Variants in NKAIN3 observed in about 807,000 individuals in gnomAD.
NKAIN3 encodes the protein sodium/potassium transporting ATPase interacting 3, also known as sodium/potassium-transporting ATPase subunit beta-1-interacting protein 3.
NKAIN3 carries 25 observed loss-of-function variants against 30.2 expected under a neutral mutation model. The ratio of observed to expected loss-of-function variants is 0.83; its 90% CI spans 0.60 to 1.16. NKAIN3 has a LOEUF of 1.16. NKAIN3 is among the 50% of genes most tolerant of loss of function. The pLI is 0.00. For missense variants in NKAIN3, 225 were observed against 254.1 expected (o/e 0.89, Z 0.78); for synonymous variants, 91 against 89.6 (o/e 1.02, Z -0.09).
At chr8:62,262,265 C>G (rs568494991) in intron 1 of NKAIN3, among the ~76,000 whole-genome samples, 1 of 152,066 alleles carries the variant, frequency 6.6e-6, no homozygotes, top group South Asian at 2.1e-4. Context: ...TTTTGGAATC[C>G]CTCAGGAGGA....
At chr8:62,347,986 T>C (rs1226185748) in intron 1 of NKAIN3, among the ~76,000 whole-genome samples, 1 of 152,036 alleles carries the variant, frequency 6.6e-6, no homozygotes, top group Admixed American at 6.6e-5. Context: ...TAAATGAACT[T>C]GAAGATATTA....
At chr8:62,463,933 T>G (rs1806074520) in intron 1 of NKAIN3, among the ~76,000 whole-genome samples, 1 of 151,968 alleles carries the variant, frequency 6.6e-6, no homozygotes, top group Admixed American at 6.6e-5. Context: ...CTGTGAAAGG[T>G]GAAACTACAG....
At position 62,612,383 on chromosome 8, in the gene NKAIN3, C is replaced by T. The variant is rs181779791; in HGVS notation, c.273+22589C>T. On this transcript the variant is annotated intron_variant, in intron 3 of 6. Coordinates refer to ENST00000623646, the MANE Select transcript of NKAIN3 (RefSeq NM_001304533.3). ...TACATAGATACCCTCTTTGTCACTC[C>T]CTATAGTTTTTGTCTTGAAATATAT... Among the ~76,000 whole-genome samples the T allele has an allele frequency of 4.1e-4, 62 of 151,930 alleles. No individual in the cohort carries two copies. In the East Asian group the frequency reaches 0.01, roughly 26 times the overall value.
intron 4 of NKAIN3, among the ~76,000 whole-genome samples, chr8:62,905,227 A>C (rs1256685044): frequency 6.6e-6 from 1 of 152,140 alleles, no homozygotes; most frequent in African/African-American, 2.4e-5. Context: ...TGGGAAAGCA[A>C]AGAATGGGGT....
At chr8:62,593,885 C>T (rs1585987794) in intron 3 of NKAIN3, among the ~76,000 whole-genome samples, 1 of 151,980 alleles carries the variant, frequency 6.6e-6, no homozygotes, top group East Asian at 1.9e-4. Flanking sequence ...CAAATCTGGG[C>T]TCTGTGTACT....
intron 1 of NKAIN3, among the ~76,000 whole-genome samples, chr8:62,317,118 G>A (rs950122135): frequency 2.6e-5 from 4 of 152,056 alleles, no homozygotes; most frequent in Non-Finnish European, 5.9e-5. Context: ...CTTTTTGATG[G>A]GTTGTTTGTT....
At chr8:62,752,399 A>G (rs1399848434) in intron 4 of NKAIN3, among the ~76,000 whole-genome samples, 1 of 152,164 alleles carries the variant, frequency 6.6e-6, no homozygotes, top group African/African-American at 2.4e-5. Flanking sequence ...CTTTAATCCC[A>G]CACCAGACAA....
intron 1 of NKAIN3, among the ~76,000 whole-genome samples, chr8:62,298,837 A>G (rs1813935178): frequency 6.7e-6 from 1 of 149,502 alleles, no homozygotes. Context: ...TAATACATAT[A>G]TTAATAATTA....
chr8:62,709,323 T>G (rs7007124), intron 3 of NKAIN3, among the ~76,000 whole-genome samples: 135,785 of 152,104 alleles, frequency 0.89, 60,820 homozygotes, highest in African/African-American at 0.94. Flanking sequence ...ATGGCTGGTA[T>G]AATTCAGCTG....
At chr8:62,388,714 C>G (rs1391718188) in intron 1 of NKAIN3, among the ~76,000 whole-genome samples, 1 of 152,206 alleles carries the variant, frequency 6.6e-6, no homozygotes, top group Non-Finnish European at 1.5e-5. Context: ...AGATTACATA[C>G]CTTTCTAATT....
At chr8:62,932,595 G>T (rs1822654711) in intron 5 of NKAIN3, among the ~76,000 whole-genome samples, 1 of 152,156 alleles carries the variant, frequency 6.6e-6, no homozygotes, top group Admixed American at 6.5e-5. Context: ...GGAAAATCTG[G>T]ATCAATCAGG....
At chr8:62,957,821 G>A (rs1823465011) in intron 6 of NKAIN3, among the ~76,000 whole-genome samples, 1 of 152,152 alleles carries the variant, frequency 6.6e-6, no homozygotes, top group South Asian at 2.1e-4. Flanking sequence ...CCCATGGAAT[G>A]TACAACACCA....
At chr8:62,674,640 C>T (rs1813415838) in intron 3 of NKAIN3, among the ~76,000 whole-genome samples, 2 of 152,140 alleles carry the variant, frequency 1.3e-5, no homozygotes, top group Non-Finnish European at 2.9e-5. Context: ...TATAAATTTG[C>T]TTAACATGTG....
intron 1 of NKAIN3, among the ~76,000 whole-genome samples, chr8:62,268,491 G>C (rs2129391906): frequency 6.6e-6 from 1 of 152,186 alleles, no homozygotes. Context: ...ACTGGAGAAT[G>C]GCTGTTCTGC....
chr8:62,435,066 A>G (rs1325949994), intron 1 of NKAIN3, among the ~76,000 whole-genome samples: 1 of 152,156 alleles, frequency 6.6e-6, no homozygotes, highest in East Asian at 1.9e-4. Flanking sequence ...ACAGGAGAAG[A>G]GGGTGGAAAT....
chr8:62,689,938 C>T (rs1018493087), intron 3 of NKAIN3, among the ~76,000 whole-genome samples: 20 of 148,390 alleles, frequency 1.3e-4, no homozygotes, highest in Admixed American at 1.1e-3. Context: ...CCTTGGCCAC[C>T]GCACTGAAAA....
intron 1 of NKAIN3, among the ~76,000 whole-genome samples, chr8:62,542,284 C>G (rs1230623365): frequency 6.6e-6 from 1 of 152,140 alleles, no homozygotes; most frequent in Admixed American, 6.5e-5. Context: ...ATCACCATAT[C>G]TAGAGGGTAA....
chr8:62,526,267 C>A (rs1299075355), intron 1 of NKAIN3, among the ~76,000 whole-genome samples: 1 of 152,000 alleles, frequency 6.6e-6, no homozygotes, highest in South Asian at 2.1e-4. Flanking sequence ...ACAACAACAA[C>A]AACTAAAAAA....
chr8:62,953,943 G>A lies in NKAIN3; in HGVS notation c.574G>A (p.Asp192Asn), dbSNP rs778973439. The change falls in exon 6 of 7, where the codon GAT (aspartate) becomes AAT (asparagine). Residue 192 changes from aspartate to asparagine, a missense_variant. Coordinates refer to ENST00000623646, the MANE Select transcript of NKAIN3 (RefSeq NM_001304533.3). ...GGLDTHSYYQ[D>N]HVELKPVKPV... ...ACTTGATACACACTCCTACTACCAG[G>A]ATCATGTTGAGTTAAAGCCTGTTAA... The A allele has an allele frequency of 3.1e-6, 3 of 981,176 alleles. No homozygotes were observed. Among genetic ancestry groups the A allele is most frequent in the Non-Finnish European group, 3.6e-6 (3 of 825,876 alleles). The allele number at this position is 981,176 out of a possible 1,614,324, so 60.8% of individuals were successfully genotyped here.
Sources: allele counts gnomAD v4.1 joint callset (sites outside exome capture counted in the v4.1 genomes callset), GRCh38; gene constraint gnomAD v4.1.1; transcripts MANE v1.5; gene names NCBI Gene and HGNC (gene_info 2026-07-23, HGNC 2026-07-21).